The following NEK11 variants were observed in gnomAD, a reference collection of about 807,000 sequenced individuals.
NEK11 encodes the protein NIMA related kinase 11, also known as serine/threonine-protein kinase Nek11.
NEK11 carries 72 observed loss-of-function variants against 80.7 expected under a neutral mutation model. The ratio of observed to expected loss-of-function variants is 0.89; its 90% CI spans 0.74 to 1.08. The LOEUF (loss-of-function observed/expected upper bound fraction) is 1.08, where lower values mean the gene tolerates loss of function less well. Among genes scored for constraint, NEK11 ranks in the 50% least tolerant of loss-of-function variants. NEK11 has a pLI of 0.00. For synonymous variants in NEK11, 251 were observed against 260.7 expected (o/e 0.96, Z 0.36); for missense variants, 764 against 763.6 (o/e 1.00, Z -0.01).
chr3:131,108,042 T>C (rs1374871521), intron 4 of NEK11, among the ~76,000 whole-genome samples: 2 of 152,150 alleles, frequency 1.3e-5, no homozygotes, highest in Non-Finnish European at 2.9e-5. Flanking sequence ...ATTCGCCATA[T>C]TTTTGAATTC....
rs558210123 is a variant in NEK11 at position 131,309,987 on chromosome 3, TAAAAAAAAAAAAAAAAAAAAAAA to T, written c.1718+36427_1718+36449del. Among the ~76,000 whole-genome samples the T allele has an allele frequency of 3.0e-4, 7 of 23,274 alleles. No individual in the cohort carries two copies. In the Admixed American group the frequency reaches 3.5e-3, roughly 12 times the overall value. 15.3% of individuals were successfully genotyped at this position (23,274 alleles called of 152,430 possible). On this transcript the variant is annotated intron_variant, in intron 17 of 17. Transcript: ENST00000383366. The stretch of plus-strand genomic sequence containing the variant: ...CTGGGTGAGAGAATGAGACCATGTT[TAAAAAAAAAAAAAAAAAAAAAAA>T]AAAAAAAAAAAAACAACCTGTAGAT...
chr3:131,108,806 G>A (rs2079601198), intron 4 of NEK11, among the ~76,000 whole-genome samples: 1 of 151,946 alleles, frequency 6.6e-6, no homozygotes, highest in Non-Finnish European at 1.5e-5. Flanking sequence ...ATTCCTTAGG[G>A]TTTTGCTATA....
intron 17 of NEK11, among the ~76,000 whole-genome samples, chr3:131,324,444 C>CTT (rs1375430216): frequency 6.6e-6 from 1 of 152,156 alleles, no homozygotes; most frequent in Non-Finnish European, 1.5e-5. Context: ...CTATTTTCTC[C>CTT]TTTGTGATTT....
intron 14 of NEK11, among the ~76,000 whole-genome samples, chr3:131,197,737 C>G (rs931350174): frequency 3.3e-5 from 5 of 152,128 alleles, no homozygotes; most frequent in African/African-American, 1.2e-4. Flanking sequence ...AGTATGTCCT[C>G]GTGAGGTTCC....
intron 15 of NEK11, among the ~76,000 whole-genome samples, chr3:131,241,334 A>T (rs1341033165): frequency 6.6e-6 from 1 of 152,170 alleles, no homozygotes; most frequent in Non-Finnish European, 1.5e-5. Context: ...GTATTCTTTA[A>T]AACAAAATAA....
chr3:131,041,788 A>G lies in NEK11; in HGVS notation c.170+11910A>G, dbSNP rs543349989. 4.6e-4 allele frequency among the ~76,000 whole-genome samples: 70 copies of G among 152,302 alleles called. No individual in the cohort carries two copies. The South Asian group carries it at 0.014, about 31-fold the overall frequency. ...CTCAGTGGAGACTTCTACTTTATAAAAATTCAAAAGGCGATTCCAGGGCAA... is the reference window on the plus strand; with the variant it reads ...CTCAGTGGAGACTTCTACTTTATAAGAATTCAAAAGGCGATTCCAGGGCAA... On this transcript the variant is annotated intron_variant, in intron 3 of 17. Transcript: ENST00000383366.
chr3:131,337,587 C>T (rs935898500), intron 17 of NEK11, among the ~76,000 whole-genome samples: 23 of 151,222 alleles, frequency 1.5e-4, no homozygotes, highest in African/African-American at 4.4e-4. Context: ...GCACATTGTG[C>T]ACATGTACCC....
chr3:131,097,864 A>C (rs889204286), intron 4 of NEK11, among the ~76,000 whole-genome samples: 1 of 144,244 alleles, frequency 6.9e-6, no homozygotes, highest in Admixed American at 7.0e-5. Context: ...TCCTAAGCCA[A>C]AAGAACAAAG....
chr3:131,224,351 C>T (rs2095125046), intron 14 of NEK11, among the ~76,000 whole-genome samples: 1 of 152,052 alleles, frequency 6.6e-6, no homozygotes, highest in South Asian at 2.1e-4. Flanking sequence ...CTTCAGCCTC[C>T]CAGTTAGCCG....
At chr3:131,295,299 T>A (rs1222479468) in intron 17 of NEK11, among the ~76,000 whole-genome samples, 2 of 152,142 alleles carry the variant, frequency 1.3e-5, no homozygotes, top group Non-Finnish European at 2.9e-5. Flanking sequence ...TTTGGGATTT[T>A]TTTTTTTCTG....
At chr3:131,230,747 T>C (rs1366115476) in intron 15 of NEK11, among the ~76,000 whole-genome samples, 1 of 152,130 alleles carries the variant, frequency 6.6e-6, no homozygotes, top group African/African-American at 2.4e-5. Flanking sequence ...AAGTAATCTA[T>C]TGGGACAAGA....
rs115170741 is a variant in NEK11, at chr3:131,275,296, C to T, written c.1718+1722C>T. Among the ~76,000 whole-genome samples, 1,481 of 152,172 alleles carry T rather than the reference C, an allele frequency of 9.7e-3. 16 individuals carry two copies. The highest frequency in any genetic ancestry group is 0.032 in the African/African-American group (1,320 of 41,508). On this transcript the variant is annotated intron_variant, in intron 17 of 17. Transcript: ENST00000383366. ...AGAAAAGTGGTTTGCTTATTTTACC[C>T]GTAAAAGTTAACAATGTGGTGTCAG...
intron 17 of NEK11, among the ~76,000 whole-genome samples, chr3:131,311,146 A>G (rs961334164): frequency 1.3e-5 from 2 of 152,130 alleles, no homozygotes; most frequent in African/African-American, 4.8e-5. Flanking sequence ...CATAATATTT[A>G]TACATATTTA....
intron 3 of NEK11, among the ~76,000 whole-genome samples, chr3:131,055,625 G>A (rs1362409964): frequency 1.3e-5 from 2 of 152,110 alleles, no homozygotes; most frequent in South Asian, 2.1e-4. Context: ...AGCTACTGGG[G>A]AGGCTGAGGT....
chr3:131,044,608 C>G (rs2067098790), intron 3 of NEK11, among the ~76,000 whole-genome samples: 1 of 151,802 alleles, frequency 6.6e-6, no homozygotes, highest in African/African-American at 2.4e-5. Context: ...ACAGGAGCAC[C>G]CAGATTCATA....
At chr3:131,291,404 T>C (rs1375096683) in intron 17 of NEK11, among the ~76,000 whole-genome samples, 1 of 152,210 alleles carries the variant, frequency 6.6e-6, no homozygotes, top group Non-Finnish European at 1.5e-5. Flanking sequence ...TGTTCAATTC[T>C]CTCTGTGGAC....
At chr3:131,278,117 C>A (rs1483773260) in intron 17 of NEK11, among the ~76,000 whole-genome samples, 1 of 152,172 alleles carries the variant, frequency 6.6e-6, no homozygotes, top group Non-Finnish European at 1.5e-5. Context: ...GTGCTAGTGC[C>A]AATTCTCTGA....
chr3:131,198,771 G>A (rs1379518893), intron 14 of NEK11, among the ~76,000 whole-genome samples: 2 of 152,202 alleles, frequency 1.3e-5, no homozygotes, highest in Non-Finnish European at 2.9e-5. Context: ...CTGGGGCTTG[G>A]GTTAGGGCCT....
At chr3:131,097,581 TG>T (rs2077636243) in intron 4 of NEK11, among the ~76,000 whole-genome samples, 2 of 152,204 alleles carry the variant, frequency 1.3e-5, no homozygotes, top group African/African-American at 4.8e-5. Context: ...TTGATGGGGT[TG>T]TTTGTTTTTT....
Sources: gnomAD v4.1 joint callset for allele counts (sites outside exome capture counted in the v4.1 genomes callset) on GRCh38, gnomAD v4.1.1 for gene constraint, MANE v1.5 for transcripts, NCBI Gene and HGNC (gene_info 2026-07-23, HGNC 2026-07-21) for gene names.